The following FAM210A variants were observed in gnomAD, a reference collection of about 807,000 sequenced individuals.
The protein encoded by FAM210A is mitochondrial inner membrane scaffold 1.
FAM210A carries 13 observed loss-of-function variants against 25.3 expected under a neutral mutation model. The ratio of observed to expected loss-of-function variants is 0.51; its 90% CI spans 0.33 to 0.82. FAM210A has a LOEUF of 0.82. Ranked by LOEUF, FAM210A falls within the 40% of genes least tolerant of loss-of-function variation. The pLI is 0.02. For missense variants in FAM210A, 319 were observed against 323.2 expected (o/e 0.99, Z 0.10); for synonymous variants, 125 against 118.7 (o/e 1.05, Z -0.35).
At chr18:13,724,657 T>C (rs2149073374) in intron 1 of FAM210A, among the ~76,000 whole-genome samples, 1 of 152,356 alleles carries the variant, frequency 6.6e-6, no homozygotes, top group South Asian at 2.1e-4. Flanking sequence ...TCAAATGAAT[T>C]TACACAACTT....
chr18:13,717,470 G>T (rs34427156), intron 1 of FAM210A, among the ~76,000 whole-genome samples: 69,496 of 151,676 alleles, frequency 0.46, 17,177 homozygotes, highest in East Asian at 0.86. Flanking sequence ...CTTCACCACT[G>T]CACCGCTAAC....
intron 1 of FAM210A, among the ~76,000 whole-genome samples, chr18:13,704,257 T>C (rs1196252976): frequency 6.6e-6 from 1 of 151,568 alleles, no homozygotes; most frequent in Non-Finnish European, 1.5e-5. Flanking sequence ...GGTGAAGGGG[T>C]TTTTTAATTA....
At chr18:13,723,545 T>C (rs1471354149) in intron 1 of FAM210A, among the ~76,000 whole-genome samples, 4 of 152,232 alleles carry the variant, frequency 2.6e-5, no homozygotes, top group East Asian at 3.8e-4. Context: ...AGGAAAATAC[T>C]GTCTTCTTCA....
In FAM210A at chr18:13,681,644, G is replaced by A. The variant is rs2043554150; in HGVS notation, c.434C>T (p.Ser145Phe). 3 of 1,611,832 alleles carry A rather than the reference G, an allele frequency of 1.9e-6. No individual in the cohort carries two copies. The highest frequency in any genetic ancestry group is 2.5e-6 in the Non-Finnish European group (3 of 1,179,228). Residue 145 changes from serine to phenylalanine, a missense_variant, in exon 2 of 4, where the codon TCT (serine) becomes TTT (phenylalanine). Transcript: ENST00000651643. ...KVLIPVHLIT[S>F]GVWFGTFYYA... ...ATAAAATGTTCCAAACCAAACACCA[G>A]AAGTTATTAGATGCACTGGAATCAG...
At chr18:13,685,420 C>G (rs1429882138) in intron 1 of FAM210A, among the ~76,000 whole-genome samples, 1 of 151,986 alleles carries the variant, frequency 6.6e-6, no homozygotes, top group East Asian at 1.9e-4. Flanking sequence ...TTTTAAAGGT[C>G]CGAATAGGAA....
At chr18:13,676,796 C>T (rs11080675) in intron 2 of FAM210A, among the ~76,000 whole-genome samples, 38,381 of 152,116 alleles carry the variant, frequency 0.25, 5,597 homozygotes, top group Non-Finnish European at 0.34. Context: ...GGACATCTCT[C>T]AACTTGGGTT....
intron 1 of FAM210A, among the ~76,000 whole-genome samples, chr18:13,687,302 A>G (rs1188792245): frequency 6.6e-6 from 1 of 152,054 alleles, no homozygotes; most frequent in African/African-American, 2.4e-5. Context: ...CACCCACTAG[A>G]GATGTCAGGT....
chr18:13,682,608 C>T lies in FAM210A; in HGVS notation c.-28-503G>A, dbSNP rs1026286491. Reference sequence around the variant, plus strand: ...AATAAGCCAGGTGAGGTGGCCCACGCCTGTAATCCCAGAATTTTGGGAGTC... The same window carrying T: ...AATAAGCCAGGTGAGGTGGCCCACGTCTGTAATCCCAGAATTTTGGGAGTC... On this transcript the variant is annotated intron_variant, in intron 1 of 3. Coordinates refer to ENST00000651643, the MANE Select transcript of FAM210A (RefSeq NM_152352.4). Among the ~76,000 whole-genome samples the T allele has an allele frequency of 2.8e-4, 43 of 152,218 alleles. 1 individual carries two copies. Among genetic ancestry groups the T allele is most frequent in the African/African-American group, 9.4e-4 (39 of 41,518 alleles).
intron 2 of FAM210A, among the ~76,000 whole-genome samples, chr18:13,672,571 A>G (rs946597720): frequency 1.3e-5 from 2 of 152,056 alleles, no homozygotes; most frequent in East Asian, 3.9e-4. Context: ...CACCACGCCT[A>G]GCTAATTTTT....
At chr18:13,707,156 GA>G (rs2043784602) in intron 1 of FAM210A, among the ~76,000 whole-genome samples, 1 of 152,172 alleles carries the variant, frequency 6.6e-6, no homozygotes, top group Admixed American at 6.5e-5. Context: ...ATGACATGCT[GA>G]ATCTCGAAAC....
At chr18:13,717,132 C>T (rs2043867416) in intron 1 of FAM210A, among the ~76,000 whole-genome samples, 1 of 152,212 alleles carries the variant, frequency 6.6e-6, no homozygotes. Flanking sequence ...ATCCAATCCT[C>T]TTAAGGCTCT....
chr18:13,671,405 A>T (rs2043440700), intron 3 of FAM210A, among the ~76,000 whole-genome samples: 1 of 152,212 alleles, frequency 6.6e-6, no homozygotes, highest in Non-Finnish European at 1.5e-5. Flanking sequence ...TTATATCTCC[A>T]TTTATCAACG....
chr18:13,716,509 G>T (rs1322121994), intron 1 of FAM210A, among the ~76,000 whole-genome samples: 1 of 152,204 alleles, frequency 6.6e-6, no homozygotes, highest in Non-Finnish European at 1.5e-5. Flanking sequence ...GGGTGAGCAA[G>T]GAAACATATG....
chr18:13,725,600 C>T (rs909257122), intron 1 of FAM210A, among the ~76,000 whole-genome samples: 8 of 152,170 alleles, frequency 5.3e-5, no homozygotes, highest in Non-Finnish European at 8.8e-5. Context: ...AGTTTTACAA[C>T]CTTGGAAGGT....
At chr18:13,696,909 G>A (rs2043699076) in intron 1 of FAM210A, among the ~76,000 whole-genome samples, 1 of 152,170 alleles carries the variant, frequency 6.6e-6, no homozygotes, top group Admixed American at 6.5e-5. Flanking sequence ...CTCACCCAGA[G>A]CAACTTCCAG....
chr18:13,714,195 C>T (rs768536047), intron 1 of FAM210A, among the ~76,000 whole-genome samples: 15 of 152,054 alleles, frequency 9.9e-5, no homozygotes, highest in South Asian at 8.3e-4. Flanking sequence ...TAGTTATAAA[C>T]GGGTAATTAA....
intron 1 of FAM210A, among the ~76,000 whole-genome samples, chr18:13,696,322 T>G (rs1386382801): frequency 6.6e-6 from 1 of 152,194 alleles, no homozygotes; most frequent in Non-Finnish European, 1.5e-5. Flanking sequence ...ACTCACATTA[T>G]TAGACTTCAC....
intron 2 of FAM210A, among the ~76,000 whole-genome samples, chr18:13,673,046 C>T (rs2043456626): frequency 6.6e-6 from 1 of 151,834 alleles, no homozygotes; most frequent in South Asian, 2.1e-4. Flanking sequence ...TGAGCCCTGG[C>T]TTATTTCCAG....
At chr18:13,719,779 C>A (rs79971396) in intron 1 of FAM210A, among the ~76,000 whole-genome samples, 2,700 of 151,782 alleles carry the variant, frequency 0.018, 30 homozygotes, top group Middle Eastern at 0.062. Context: ...CAAAAAAATT[C>A]TACAATCACA....
Sources: gnomAD v4.1 joint callset for allele counts (sites outside exome capture counted in the v4.1 genomes callset) on GRCh38, gnomAD v4.1.1 for gene constraint, MANE v1.5 for transcripts, NCBI Gene and HGNC (gene_info 2026-07-23, HGNC 2026-07-21) for gene names.